IRF2: variants seen among roughly 807,000 people sequenced by gnomAD.
IRF2 encodes the protein interferon regulatory factor 2.
A neutral mutation model predicts 40.6 loss-of-function variants in IRF2; 15 were observed. The ratio of observed to expected loss-of-function variants is 0.37; its 90% CI spans 0.25 to 0.57. The LOEUF (loss-of-function observed/expected upper bound fraction) is 0.57. Ranked by LOEUF, IRF2 falls within the 20% of genes least tolerant of loss-of-function variation. The probability of loss-of-function intolerance (pLI) is 0.77; values close to 1 mark genes in which losing one functional copy is unlikely to be tolerated. For missense variants in IRF2, 317 were observed against 455.7 expected (o/e 0.70, Z 2.77); for synonymous variants, 151 against 165.5 (o/e 0.91, Z 0.67).
intron 1 of IRF2, among the ~76,000 whole-genome samples, chr4:184,458,283 T>G (rs1240170534): frequency 6.6e-6 from 1 of 152,254 alleles, no homozygotes; most frequent in Non-Finnish European, 1.5e-5. Context: ...TGTGCTTCCA[T>G]GAAGCCCATC....
At chr4:184,429,109 C>T (rs114977710) in intron 1 of IRF2, 39 bp from the exon 2 acceptor site, 1 of 1,529,914 alleles carries the variant, frequency 6.5e-7, no homozygotes, top group Non-Finnish European at 9.0e-7. Flanking sequence ...GTTGGTGCCA[C>T]TCAGTGTGGT....
chr4:184,442,895 TG>T (rs1738365041), intron 1 of IRF2, among the ~76,000 whole-genome samples: 1 of 1,716 alleles, frequency 5.8e-4, no homozygotes, highest in African/African-American at 2.3e-3. Context: ...GGGGTGGGGG[TG>T]GGGGTGGTGG....
At chr4:184,407,079 T>A in intron 6 of IRF2, 5 of 626,304 alleles carry the variant, frequency 8.0e-6, no homozygotes, top group South Asian at 7.5e-5. Context: ...CACAACAGGG[T>A]TATAGAGCAC....
At chr4:184,431,556 G>GA (rs755133213) in intron 1 of IRF2, among the ~76,000 whole-genome samples, 1 of 152,128 alleles carries the variant, frequency 6.6e-6, no homozygotes, top group Non-Finnish European at 1.5e-5. Flanking sequence ...CTTCCCTCTG[G>GA]AAAAGACCTC....
intron 1 of IRF2, among the ~76,000 whole-genome samples, chr4:184,445,260 A>G (rs1456606737): frequency 6.6e-6 from 1 of 152,248 alleles, no homozygotes; most frequent in Non-Finnish European, 1.5e-5. Context: ...TGAACAGCCC[A>G]GTGTCATCAC....
chr4:184,455,829 A>G (rs1261842501), intron 1 of IRF2, among the ~76,000 whole-genome samples: 1 of 152,224 alleles, frequency 6.6e-6, no homozygotes, highest in East Asian at 1.9e-4. Context: ...CTTTTGAATT[A>G]CGTTGGTTCA....
intron 1 of IRF2, among the ~76,000 whole-genome samples, chr4:184,473,101 TCA>T (rs1484066296): frequency 6.6e-6 from 1 of 151,458 alleles, no homozygotes; most frequent in Non-Finnish European, 1.5e-5. Flanking sequence ...GCGGCCGGCT[TCA>T]CTCGGTGGGC....
chr4:184,465,529 G>A (rs1003128199), intron 1 of IRF2, among the ~76,000 whole-genome samples: 1 of 151,160 alleles, frequency 6.6e-6, no homozygotes, highest in African/African-American at 2.4e-5. Flanking sequence ...CCATCAAAAA[G>A]ATATGTTTTC....
intron 1 of IRF2, among the ~76,000 whole-genome samples, chr4:184,464,288 C>CT (rs70959200): frequency 0.025 from 3,788 of 151,408 alleles, 68 homozygotes; most frequent in Non-Finnish European, 0.042. Flanking sequence ...AAGATGGAGA[C>CT]TGTTCAGGAC....
chr4:184,429,140 C>A lies in IRF2; in HGVS notation c.-6-70G>T, dbSNP rs574153919. 3.0e-5 allele frequency: 35 copies of A among 1,184,334 alleles called. No homozygotes were observed. In the African/African-American group the frequency reaches 5.1e-4, roughly 17 times the overall value. 73.4% of individuals were successfully genotyped at this position (1,184,334 alleles called of 1,614,324 possible). A position where few individuals can be genotyped will look rare whatever the true frequency, so the allele number is the denominator to read the frequency against. On this transcript the variant is annotated intron_variant, in intron 1 of 8. Coordinates refer to ENST00000393593, the MANE Select transcript of IRF2 (RefSeq NM_002199.4). ...GTGGTGTCTGCACTGCAGAGTTCTA[C>A]ACCCCGCCTGACTCTTTCCTTCTCT...
intron 6 of IRF2, among the ~76,000 whole-genome samples, chr4:184,406,983 T>C (rs527413601): frequency 5.9e-5 from 9 of 152,354 alleles, no homozygotes; most frequent in African/African-American, 2.2e-4. Context: ...CAGACTGCTC[T>C]AGTTACTCCA....
intron 6 of IRF2, among the ~76,000 whole-genome samples, chr4:184,407,771 T>C (rs1217479170): frequency 6.6e-6 from 1 of 152,226 alleles, no homozygotes; most frequent in Non-Finnish European, 1.5e-5. Flanking sequence ...TCAGTTTCTC[T>C]GTCTGCCAGG....
At chr4:184,406,348 G>C (rs1736856230) in intron 6 of IRF2, among the ~76,000 whole-genome samples, 1 of 151,406 alleles carries the variant, frequency 6.6e-6, no homozygotes, top group Non-Finnish European at 1.5e-5. Context: ...TCCTGCCTCA[G>C]CCTCCTGAGT....
intron 1 of IRF2, among the ~76,000 whole-genome samples, chr4:184,464,157 G>C (rs1472987913): frequency 6.6e-6 from 1 of 152,108 alleles, no homozygotes; most frequent in Non-Finnish European, 1.5e-5. Context: ...CATGATGATA[G>C]GGAATGTATA....
intron 2 of IRF2, among the ~76,000 whole-genome samples, chr4:184,422,750 G>C (rs868045669): frequency 7.2e-5 from 11 of 152,294 alleles, no homozygotes; most frequent in Middle Eastern, 3.4e-3. Context: ...AGAGCAGACA[G>C]AGAGCAGAGA....
At chr4:184,453,238 G>A (rs1738791745) in intron 1 of IRF2, among the ~76,000 whole-genome samples, 1 of 151,986 alleles carries the variant, frequency 6.6e-6, no homozygotes, top group African/African-American at 2.4e-5. Context: ...ATTTATGCAA[G>A]GCCATTAAGA....
rs1393937937 is a variant in IRF2 at position 184,441,977 on chromosome 4, C to A, written c.-6-12907G>T. On this transcript the variant is annotated intron_variant, in intron 1 of 8. Transcript: ENST00000393593. Reference sequence around the variant, plus strand: ...AGGCAGGCCAAACTGGGGTTCACATCAAGAGGTAGAGAGGGCCCCACACCT... The same window carrying A: ...AGGCAGGCCAAACTGGGGTTCACATAAAGAGGTAGAGAGGGCCCCACACCT... Among the ~76,000 whole-genome samples, 5 of 152,242 alleles carry A rather than the reference C, an allele frequency of 3.3e-5. No homozygotes were observed. In the East Asian group the frequency reaches 5.8e-4, roughly 18 times the overall value.
Position 184,389,019 on chromosome 4 carries a change from G to A in IRF2, c.789C>T (p.Leu263=). ...RKRNIEGKQY[L]SNMGTRGSYL... Reference sequence around the variant, plus strand: ...AGGAGCCTCGAGTCCCCATGTTGCTGAGGTACTGTTTGCCTTCAATATTCC... The same window carrying A: ...AGGAGCCTCGAGTCCCCATGTTGCTAAGGTACTGTTTGCCTTCAATATTCC... The change falls in exon 9 of 9, where the codon CTC becomes CTT. Residue 263 remains leucine, a synonymous_variant. Coordinates refer to ENST00000393593, the MANE Select transcript of IRF2 (RefSeq NM_002199.4). 1.2e-6 allele frequency: 2 copies of A among 1,614,228 alleles called. No individual in the cohort carries two copies. The highest frequency in any genetic ancestry group is 1.7e-6 in the Non-Finnish European group (2 of 1,180,036).
chr4:184,468,161 T>C (rs3775583), intron 1 of IRF2, among the ~76,000 whole-genome samples: 20,240 of 152,012 alleles, frequency 0.13, 1,388 homozygotes, highest in Middle Eastern at 0.19. Flanking sequence ...GACAAATACA[T>C]AAAATAAAAT....
Sources: allele counts gnomAD v4.1 joint callset (sites outside exome capture counted in the v4.1 genomes callset), GRCh38; gene constraint gnomAD v4.1.1; transcripts MANE v1.5; gene names NCBI Gene and HGNC (gene_info 2026-07-23, HGNC 2026-07-21).